The following EGF variants were observed in gnomAD, a reference collection of about 807,000 sequenced individuals.
EGF encodes the protein pro-epidermal growth factor.
A neutral mutation model predicts 143.8 loss-of-function variants in EGF; 95 were observed. The ratio of observed to expected loss-of-function variants is 0.66; its 90% CI spans 0.56 to 0.78. EGF has a LOEUF of 0.78. Ranked by LOEUF, EGF falls within the 30% of genes least tolerant of loss-of-function variation. The pLI is 0.00. For missense variants in EGF, 1,320 were observed against 1,470.9 expected (o/e 0.90, Z 1.68); for synonymous variants, 510 against 510.5 (o/e 1.00, Z 0.01).
intron 1 of EGF, among the ~76,000 whole-genome samples, chr4:109,938,986 T>C (rs187973544): frequency 6.4e-4 from 97 of 152,316 alleles, no homozygotes; most frequent in Non-Finnish European, 1.3e-3. Context: ...AGGGACCCAC[T>C]TGAGGAGGCA....
intron 1 of EGF, among the ~76,000 whole-genome samples, chr4:109,926,041 A>C (rs537796555): frequency 6.6e-6 from 1 of 152,216 alleles, no homozygotes; most frequent in African/African-American, 2.4e-5. Flanking sequence ...TTTGTCTTAC[A>C]TACTTCCCAC....
chr4:109,982,923 G>C (rs1421106122), intron 15 of EGF, among the ~76,000 whole-genome samples: 1 of 152,194 alleles, frequency 6.6e-6, no homozygotes. Flanking sequence ...CCTGTTCTGA[G>C]AGTGGGCAGT....
intron 21 of EGF, among the ~76,000 whole-genome samples, chr4:110,000,395 T>C (rs575276455): frequency 6.6e-6 from 1 of 152,344 alleles, no homozygotes; most frequent in Admixed American, 6.5e-5. Flanking sequence ...ATATGTGTTA[T>C]TTATCAATCA....
chr4:109,988,500 T>C (rs1750472766), intron 17 of EGF, 84 bp from the exon 18 acceptor site: 2 of 1,590,422 alleles, frequency 1.3e-6, no homozygotes, highest in Non-Finnish European at 8.6e-7. Flanking sequence ...GAATTGAATA[T>C]ACGATTATGC....
intron 13 of EGF, 29 bp downstream of exon 13, chr4:109,976,264 A>C: frequency 6.3e-7 from 1 of 1,582,330 alleles, no homozygotes; most frequent in East Asian, 2.2e-5. Flanking sequence ...CGATTTTTTC[A>C]TCTTGACTGA....
At chr4:109,966,513 G>C (rs368859942) in intron 10 of EGF, among the ~76,000 whole-genome samples, 19 of 152,022 alleles carry the variant, frequency 1.2e-4, no homozygotes, top group African/African-American at 4.6e-4. Context: ...TACAAGTGCA[G>C]GTGTCTTTTT....
chr4:109,935,565 C>T (rs1481320199), intron 1 of EGF, among the ~76,000 whole-genome samples: 1 of 152,206 alleles, frequency 6.6e-6, no homozygotes, highest in East Asian at 1.9e-4. Flanking sequence ...TGCCTGATTG[C>T]CCTGGCCAGA....
At chr4:109,928,308 T>C (rs1248535420) in intron 1 of EGF, among the ~76,000 whole-genome samples, 1 of 152,164 alleles carries the variant, frequency 6.6e-6, no homozygotes, top group Non-Finnish European at 1.5e-5. Flanking sequence ...GAGGGACAAC[T>C]CAAAGAGTAG....
At chr4:109,975,924 G>C in intron 12 of EGF, 88 bp from the exon 13 acceptor site, 1 of 1,385,428 alleles carries the variant, frequency 7.2e-7, no homozygotes, top group South Asian at 1.2e-5. Context: ...ATATCATGAG[G>C]TAATTTACAT....
intron 1 of EGF, among the ~76,000 whole-genome samples, chr4:109,915,835 T>C (rs992194031): frequency 2.6e-5 from 4 of 152,228 alleles, no homozygotes; most frequent in Non-Finnish European, 1.5e-5. Context: ...TTGTTACTCA[T>C]GTGACTGCTA....
intron 23 of EGF, among the ~76,000 whole-genome samples, chr4:110,009,139 A>G (rs867801683): frequency 1.3e-5 from 2 of 152,178 alleles, no homozygotes; most frequent in African/African-American, 4.8e-5. Context: ...TCTCATACCT[A>G]TGTTGCCATG....
chr4:109,924,519 T>C (rs1215301896), intron 1 of EGF, among the ~76,000 whole-genome samples: 3 of 150,222 alleles, frequency 2.0e-5, no homozygotes, highest in Non-Finnish European at 4.4e-5. Context: ...GGGCTGACAG[T>C]GGAGACATCA....
At chr4:109,972,142 C>G (rs1374244750) in intron 11 of EGF, among the ~76,000 whole-genome samples, 1 of 151,878 alleles carries the variant, frequency 6.6e-6, no homozygotes, top group Non-Finnish European at 1.5e-5. Flanking sequence ...GACACTGGGA[C>G]AATTAGATAA....
At chr4:109,980,768 T>C (rs961243882) in intron 14 of EGF, 58 bp from the exon 15 acceptor site, 2 of 1,608,140 alleles carry the variant, frequency 1.2e-6, no homozygotes, top group Non-Finnish European at 1.7e-6. Flanking sequence ...AGACTTGCAT[T>C]AATGGCATCC....
intron 21 of EGF, chr4:110,001,742 A>G (rs1057255235): frequency 2.0e-6 from 2 of 985,340 alleles, no homozygotes; most frequent in Non-Finnish European, 2.4e-6. Flanking sequence ...TTACATACAT[A>G]TAAGAGTATC....
chr4:109,932,385 T>A (rs1348507824), intron 1 of EGF, among the ~76,000 whole-genome samples: 4 of 88,064 alleles, frequency 4.5e-5, no homozygotes, highest in South Asian at 4.2e-4. Context: ...ATAAATTTTT[T>A]TTTTTTTTTT....
At chr4:109,980,356 C>G (rs1040001476) in intron 14 of EGF, among the ~76,000 whole-genome samples, 1 of 152,140 alleles carries the variant, frequency 6.6e-6, no homozygotes, top group African/African-American at 2.4e-5. Flanking sequence ...TTTTCTTGAA[C>G]AACTTTTACT....
chr4:109,939,142 G>A (rs1741453114), intron 1 of EGF, among the ~76,000 whole-genome samples: 1 of 152,236 alleles, frequency 6.6e-6, no homozygotes. Context: ...AATCTAAAGG[G>A]GCAGTAGGCC....
At chr4:109,915,781 G>T (rs904036207) in intron 1 of EGF, among the ~76,000 whole-genome samples, 10 of 152,226 alleles carry the variant, frequency 6.6e-5, no homozygotes, top group African/African-American at 2.2e-4. Context: ...CCAGCAGGAA[G>T]AATGCTTTAT....
Sources: gnomAD v4.1 joint callset for allele counts (sites outside exome capture counted in the v4.1 genomes callset) on GRCh38, gnomAD v4.1.1 for gene constraint, MANE v1.5 for transcripts, NCBI Gene and HGNC (gene_info 2026-07-23, HGNC 2026-07-21) for gene names.